Variants in FOXJ3 observed in about 807,000 individuals in gnomAD.
FOXJ3 encodes forkhead box J3, also known as forkhead box protein J3.
FOXJ3 carries 22 observed loss-of-function variants against 76.1 expected under a neutral mutation model. The ratio of observed to expected loss-of-function variants is 0.29; its 90% CI spans 0.21 to 0.41. The LOEUF is 0.41. Ranked by LOEUF, FOXJ3 falls within the 10% of genes least tolerant of loss-of-function variation. The probability of loss-of-function intolerance (pLI) is 1.00; values close to 1 mark genes in which losing one functional copy is unlikely to be tolerated. For missense variants in FOXJ3, 613 were observed against 762.1 expected, an observed-to-expected ratio of 0.80 and a Z score of 2.30; for synonymous variants, 269 against 261.2, an observed-to-expected ratio of 1.03 and a Z score of -0.29.
chr1:42,214,757 A>G (rs1407276885), intron 5 of FOXJ3, among the ~76,000 whole-genome samples: 1 of 152,226 alleles, frequency 6.6e-6, no homozygotes, highest in African/African-American at 2.4e-5. Flanking sequence ...AGGAGGAACT[A>G]GGGCAAAGAC....
chr1:42,269,283 C>T (rs182172657), intron 3 of FOXJ3, among the ~76,000 whole-genome samples: 24 of 152,152 alleles, frequency 1.6e-4, no homozygotes, highest in African/African-American at 5.8e-4. Flanking sequence ...GTTCACCTAC[C>T]CAGCTTAAAA....
chr1:42,226,972 T>C (rs1366674352), intron 5 of FOXJ3, among the ~76,000 whole-genome samples: 1 of 152,270 alleles, frequency 6.6e-6, no homozygotes, highest in Non-Finnish European at 1.5e-5. Flanking sequence ...CCCTGATTCA[T>C]GCTGCAAACA....
At chr1:42,198,819 AT>A (rs1646703647) in intron 7 of FOXJ3, among the ~76,000 whole-genome samples, 1 of 152,244 alleles carries the variant, frequency 6.6e-6, no homozygotes, top group Middle Eastern at 3.4e-3. Flanking sequence ...CTAAAGTGCA[AT>A]TTTTTTCCTG....
At chr1:42,250,975 T>TA (rs1649990953) in intron 4 of FOXJ3, among the ~76,000 whole-genome samples, 2 of 152,038 alleles carry the variant, frequency 1.3e-5, no homozygotes, top group Non-Finnish European at 2.9e-5. Flanking sequence ...CATGTCTTAT[T>TA]ATAACTGACC....
At chr1:42,239,807 T>C (rs898688880) in intron 4 of FOXJ3, among the ~76,000 whole-genome samples, 1 of 152,194 alleles carries the variant, frequency 6.6e-6, no homozygotes, top group South Asian at 2.1e-4. Flanking sequence ...ATTTATAAAT[T>C]CCAAGTAGAA....
chr1:42,295,907 C>T (rs558120051), intron 2 of FOXJ3, among the ~76,000 whole-genome samples: 3 of 152,294 alleles, frequency 2.0e-5, no homozygotes, highest in African/African-American at 4.8e-5. Context: ...AAAGGTAGTT[C>T]TATTTTTAGT....
chr1:42,221,126 C>G (rs893506922), intron 5 of FOXJ3, among the ~76,000 whole-genome samples: 1 of 152,092 alleles, frequency 6.6e-6, no homozygotes, highest in African/African-American at 2.4e-5. Flanking sequence ...ACACATCTGC[C>G]TCAGCATTCA....
intron 4 of FOXJ3, among the ~76,000 whole-genome samples, chr1:42,261,707 A>C (rs1319076604): frequency 6.6e-6 from 1 of 152,192 alleles, no homozygotes; most frequent in East Asian, 1.9e-4. Flanking sequence ...TCTTGACCTA[A>C]GTCATGGCAG....
intron 2 of FOXJ3, among the ~76,000 whole-genome samples, chr1:42,293,290 A>C (rs1323717310): frequency 6.6e-6 from 1 of 151,806 alleles, no homozygotes; most frequent in African/African-American, 2.4e-5. Context: ...AACAAAAAAA[A>C]AACTTGTATC....
chr1:42,220,682 TCTAAA>T, intron 5 of FOXJ3, among the ~76,000 whole-genome samples: 1 of 152,300 alleles, frequency 6.6e-6, no homozygotes, highest in South Asian at 2.1e-4. Context: ...GGCCTGCAGT[TCTAAA>T]CTGCCTCCCG....
intron 11 of FOXJ3, among the ~76,000 whole-genome samples, chr1:42,186,950 C>T (rs1397810655): frequency 2.0e-5 from 3 of 152,110 alleles, no homozygotes; most frequent in African/African-American, 7.3e-5. Flanking sequence ...CAGGTTCCAG[C>T]GATTCCCCTG....
chr1:42,271,919 T>C (rs61149928), intron 3 of FOXJ3, among the ~76,000 whole-genome samples: 1,723 of 152,310 alleles, frequency 0.011, 39 homozygotes, highest in African/African-American at 0.04. Context: ...GCTGGGATTA[T>C]AGGCATGAGC....
intron 2 of FOXJ3, among the ~76,000 whole-genome samples, chr1:42,298,630 T>C (rs1314451746): frequency 6.6e-6 from 1 of 152,182 alleles, no homozygotes; most frequent in Non-Finnish European, 1.5e-5. Context: ...GTTTCACTTA[T>C]CCTTTGTATC....
chr1:42,205,858 T>C lies in FOXJ3; in HGVS notation c.534A>G (p.Ser178=), dbSNP rs756891975. Residue 178 remains serine, a synonymous_variant, in exon 6 of 13, where the codon TCA becomes TCG. Transcript: ENST00000361346. The part of the protein sequence containing the change: ...KKRARSVERA[S]TPYSIDSDSL... ...AATCTGAATCTATGCTATATGGAGTTGAGGCCTAAAATACAAGAACAAAAT... is the reference window on the plus strand; with the variant it reads ...AATCTGAATCTATGCTATATGGAGTCGAGGCCTAAAATACAAGAACAAAAT... 4 of 1,591,532 alleles carry C rather than the reference T, an allele frequency of 2.5e-6. No homozygotes were observed. Among genetic ancestry groups the C allele is most frequent in the Non-Finnish European group, 3.4e-6 (4 of 1,161,736 alleles).
chr1:42,304,636 C>T (rs1654351197), intron 2 of FOXJ3, among the ~76,000 whole-genome samples: 1 of 152,132 alleles, frequency 6.6e-6, no homozygotes, highest in Non-Finnish European at 1.5e-5. Flanking sequence ...GTTCCAAGAG[C>T]ATACAATGGA....
intron 2 of FOXJ3, among the ~76,000 whole-genome samples, chr1:42,305,846 A>T (rs995729607): frequency 6.6e-6 from 1 of 152,206 alleles, no homozygotes; most frequent in Non-Finnish European, 1.5e-5. Context: ...GTACATTTTT[A>T]AATAACTAAA....
chr1:42,328,692 T>C (rs1271833139), intron 1 of FOXJ3, among the ~76,000 whole-genome samples: 1 of 150,784 alleles, frequency 6.6e-6, no homozygotes, highest in Non-Finnish European at 1.5e-5. Flanking sequence ...TTTTTTTTTT[T>C]TTTTTGAGAC....
At chr1:42,248,198 C>A (rs1220243502) in intron 4 of FOXJ3, among the ~76,000 whole-genome samples, 1 of 152,110 alleles carries the variant, frequency 6.6e-6, no homozygotes, top group African/African-American at 2.4e-5. Flanking sequence ...GATGATTGCA[C>A]AACTTTGCAA....
chr1:42,223,494 T>C (rs1647311947), intron 5 of FOXJ3, among the ~76,000 whole-genome samples: 2 of 152,202 alleles, frequency 1.3e-5, no homozygotes, highest in South Asian at 4.1e-4. Context: ...CCTGTACTTC[T>C]TACCTACTAG....
Sources: allele counts gnomAD v4.1 joint callset (sites outside exome capture counted in the v4.1 genomes callset), GRCh38; gene constraint gnomAD v4.1.1; transcripts MANE v1.5; gene names NCBI Gene and HGNC (gene_info 2026-07-23, HGNC 2026-07-21).